The following E2F6 variants were observed in gnomAD, a reference collection of about 807,000 sequenced individuals.
E2F6 encodes the protein E2F transcription factor 6.
In E2F6, 19 loss-of-function variants were observed where a neutral mutation model predicts 31.5. That is an observed-to-expected ratio of 0.60 (90% confidence interval 0.42 to 0.89). E2F6 has a LOEUF of 0.89. E2F6 is among the 40% of genes least tolerant of loss of function. The pLI is 0.00. For synonymous variants in E2F6, 121 were observed against 127.7 expected, an observed-to-expected ratio of 0.95 and a Z score of 0.36; for missense variants, 269 against 341.6, an observed-to-expected ratio of 0.79 and a Z score of 1.67.
chr2:11,447,586 A>T, intron 6 of E2F6, 41 bp downstream of exon 6: 1 of 1,598,764 alleles, frequency 6.3e-7, no homozygotes, highest in Non-Finnish European at 8.5e-7. Context: ...AAAATTATGC[A>T]TGCTTAATTA....
chr2:11,458,123 C>T (rs1671526485), intron 1 of E2F6, among the ~76,000 whole-genome samples: 1 of 152,182 alleles, frequency 6.6e-6, no homozygotes, highest in South Asian at 2.1e-4. Flanking sequence ...CTCCTAGTAA[C>T]ATCAATGTTA....
chr2:11,455,828 G>A (rs752006981), intron 2 of E2F6, among the ~76,000 whole-genome samples: 1 of 149,108 alleles, frequency 6.7e-6, no homozygotes, highest in Non-Finnish European at 1.5e-5. Context: ...AAAGTCACCC[G>A]ATGGCAAGAA....
At chr2:11,453,494 C>T (rs1671200790) in intron 3 of E2F6, 88 bp downstream of exon 3, 3 of 1,254,166 alleles carry the variant, frequency 2.4e-6, no homozygotes, top group Admixed American at 1.9e-5. Flanking sequence ...ATTATATTGT[C>T]AAAACACTGC....
intron 1 of E2F6, among the ~76,000 whole-genome samples, chr2:11,464,211 C>T (rs1671980421): frequency 6.6e-6 from 1 of 151,936 alleles, no homozygotes; most frequent in Admixed American, 6.6e-5. Context: ...AATAAGAGGC[C>T]ATCAAGTGGA....
At chr2:11,464,608 A>C (rs1672017022) in intron 1 of E2F6, among the ~76,000 whole-genome samples, 1 of 151,244 alleles carries the variant, frequency 6.6e-6, no homozygotes, top group South Asian at 2.1e-4. Flanking sequence ...GAGATCTTTT[A>C]AGATGGGGAT....
At chr2:11,463,769 T>C (rs754524866) in intron 1 of E2F6, among the ~76,000 whole-genome samples, 1 of 151,966 alleles carries the variant, frequency 6.6e-6, no homozygotes, top group Non-Finnish European at 1.5e-5. Context: ...CTGGGCCCCA[T>C]AGGAAGACTC....
At chr2:11,456,994 C>T in intron 2 of E2F6, 185 bp downstream of exon 2, 1 of 567,138 alleles carries the variant, frequency 1.8e-6, no homozygotes, top group Middle Eastern at 3.7e-4. Flanking sequence ...AATAAACTGG[C>T]ATTTGTGCAC....
At position 11,447,612 on chromosome 2, in the gene E2F6, C is replaced by A; in HGVS notation, c.799+15G>T. The A allele has an allele frequency of 6.2e-7, 1 of 1,609,212 alleles. No homozygotes were observed. Among genetic ancestry groups the A allele is most frequent in the Non-Finnish European group, 8.5e-7 (1 of 1,178,930 alleles). The stretch of plus-strand genomic sequence containing the variant: ...TGCTTAATTAAAATACTGTCAGAAT[C>A]ACTGGTATATTTACCTTCCTCAGGG... On this transcript the variant is annotated intron_variant, in intron 6 of 6. Transcript: ENST00000381525.
intron 1 of E2F6, among the ~76,000 whole-genome samples, chr2:11,462,705 C>T (rs1439016776): frequency 3.9e-5 from 6 of 152,120 alleles, no homozygotes; most frequent in Non-Finnish European, 7.4e-5. Context: ...AGCTACTAAG[C>T]GACTAAGGGC....
At position 11,466,068 on chromosome 2, in the gene E2F6, G is replaced by T. The variant is rs1572523593; in HGVS notation, c.-189C>A. The T allele has an allele frequency of 3.8e-6, 2 of 531,254 alleles. No homozygotes were observed. The highest frequency in any genetic ancestry group is 7.0e-5 in the East Asian group (2 of 28,634). The allele number at this position is 531,254 out of a possible 1,614,324, so 32.9% of individuals were successfully genotyped here. On this transcript the variant is annotated 5_prime_UTR_variant, in exon 1 of 7. Transcript: ENST00000381525. ...CAGTAAACGCGGCACGGCCTCACGT[G>T]CCCGGGAGCTCCCGACGCAGACGGA...
intron 2 of E2F6, among the ~76,000 whole-genome samples, chr2:11,454,501 C>T (rs1296305409): frequency 2.0e-5 from 3 of 152,004 alleles, no homozygotes; most frequent in Non-Finnish European, 2.9e-5. Context: ...TGCACCAGCA[C>T]GCCTGGCTAA....
rs1388472362 is a variant in E2F6 at position 11,466,037 on chromosome 2, G to C, written c.-158C>G. On this transcript the variant is annotated 5_prime_UTR_variant, in exon 1 of 7. Coordinates refer to ENST00000381525, the MANE Select transcript of E2F6 (RefSeq NM_198256.4). ...AGGCGCCGCCCGGCTAGGCCGTCCC[G>C]CCCGCCAGTAAACGCGGCACGGCCT... 2 of 599,886 alleles carry C rather than the reference G, an allele frequency of 3.3e-6. No individual in the cohort carries two copies. The highest frequency in any genetic ancestry group is 6.9e-5 in the East Asian group (2 of 29,018). 37.2% of individuals were successfully genotyped at this position (599,886 alleles called of 1,614,324 possible).
chr2:11,464,374 G>A (rs1398338100), intron 1 of E2F6, among the ~76,000 whole-genome samples: 1 of 151,824 alleles, frequency 6.6e-6, no homozygotes, highest in Non-Finnish European at 1.5e-5. Context: ...AAAATTAGCC[G>A]TGCGTGGTGG....
intron 1 of E2F6, among the ~76,000 whole-genome samples, chr2:11,462,397 AAT>A (rs1671836926): frequency 6.6e-6 from 1 of 152,232 alleles, no homozygotes; most frequent in Non-Finnish European, 1.5e-5. Context: ...CTAATAATAA[AAT>A]ACAACAATTA....
At chr2:11,461,355 A>T (rs1315889839) in intron 1 of E2F6, among the ~76,000 whole-genome samples, 2 of 151,954 alleles carry the variant, frequency 1.3e-5, no homozygotes, top group Non-Finnish European at 2.9e-5. Context: ...TATTTTATTT[A>T]TTTATTTATT....
At position 11,463,689 on chromosome 2, in the gene E2F6, C is replaced by T. The variant is rs75689276; in HGVS notation, c.108+2083G>A. On this transcript the variant is annotated intron_variant, in intron 1 of 6. Transcript: ENST00000381525. ...ACATGTGGCCAGCTGCAGAGGCTCA[C>T]GCCTGTAATCCCAGCACTTTGGGGA... Among the ~76,000 whole-genome samples, 708 of 152,258 alleles carry T rather than the reference C, an allele frequency of 4.6e-3. 1 individual carries two copies. Among genetic ancestry groups the T allele is most frequent in the Middle Eastern group, 0.024 (7 of 294 alleles).
At chr2:11,452,658 T>C (rs544087942) in intron 3 of E2F6, among the ~76,000 whole-genome samples, 26 of 152,102 alleles carry the variant, frequency 1.7e-4, no homozygotes, top group Admixed American at 9.2e-4. Flanking sequence ...CCTACTCCAA[T>C]ATGATATGAC....
chr2:11,452,609 A>G (rs75432395), intron 3 of E2F6, among the ~76,000 whole-genome samples: 1 of 144,156 alleles, frequency 6.9e-6, no homozygotes, highest in Non-Finnish European at 1.5e-5. Context: ...GTCTCAAAAG[A>G]AAAAAAAAAA....
intron 1 of E2F6, among the ~76,000 whole-genome samples, chr2:11,457,956 A>G (rs1572506706): frequency 1.3e-5 from 2 of 152,258 alleles, no homozygotes; most frequent in East Asian, 3.8e-4. Flanking sequence ...CAACCAGGAA[A>G]TTAGTAGAAG....
Sources: gnomAD v4.1 joint callset for allele counts (sites outside exome capture counted in the v4.1 genomes callset) on GRCh38, gnomAD v4.1.1 for gene constraint, MANE v1.5 for transcripts, NCBI Gene and HGNC (gene_info 2026-07-23, HGNC 2026-07-21) for gene names.